The following KCNIP4 variants were observed in gnomAD, a reference collection of about 807,000 sequenced individuals.
KCNIP4 encodes potassium voltage-gated channel interacting protein 4.
Under a neutral mutation model 34.0 loss-of-function variants are expected in KCNIP4, and 12 were observed. The ratio of observed to expected loss-of-function variants is 0.35; its 90% CI spans 0.23 to 0.57. The LOEUF is 0.57. KCNIP4 is among the 20% of genes least tolerant of loss of function. The pLI is 0.83. For synonymous variants in KCNIP4, 124 were observed against 102.2 expected (o/e 1.21, Z -1.29); for missense variants, 238 against 311.7 (o/e 0.76, Z 1.78).
chr4:21,501,221 CTT>C (rs1200898294), intron 1 of KCNIP4, among the ~76,000 whole-genome samples: 12 of 125,844 alleles, frequency 9.5e-5, no homozygotes, highest in African/African-American at 3.2e-4. Flanking sequence ...TATCAACTGC[CTT>C]TCTCTCTCTC....
chr4:21,862,651 C>CT (rs1725141751), intron 1 of KCNIP4, among the ~76,000 whole-genome samples: 1 of 152,062 alleles, frequency 6.6e-6, no homozygotes, highest in Admixed American at 6.6e-5. Context: ...GGTAGGTGTT[C>CT]AATAAATATT....
chr4:21,896,872 T>C (rs547076842), intron 1 of KCNIP4, among the ~76,000 whole-genome samples: 35 of 151,898 alleles, frequency 2.3e-4, no homozygotes, highest in African/African-American at 6.5e-4. Context: ...CGAGCCAAGA[T>C]TGTGACACTG....
At chr4:21,360,004 G>A (rs1719049997) in intron 1 of KCNIP4, among the ~76,000 whole-genome samples, 1 of 152,130 alleles carries the variant, frequency 6.6e-6, no homozygotes, top group African/African-American at 2.4e-5. Context: ...TTTGCAAATA[G>A]TTGACATTAG....
intron 1 of KCNIP4, among the ~76,000 whole-genome samples, chr4:21,417,064 T>C (rs1001738298): frequency 2.0e-5 from 3 of 152,188 alleles, no homozygotes; most frequent in African/African-American, 4.8e-5. Context: ...CAGCCTCCAC[T>C]CTTGGAAAAT....
intron 1 of KCNIP4, among the ~76,000 whole-genome samples, chr4:21,193,565 T>C (rs574374703): frequency 7.9e-6 from 1 of 126,532 alleles, no homozygotes; most frequent in Non-Finnish European, 1.6e-5. Context: ...CTTATTGCAA[T>C]TTTAAATTTT....
rs111815003 is a variant in KCNIP4 at position 21,893,098 on chromosome 4, C to T, written c.61+55473G>A. ...ATGCATTTAGATAACAAATATCTGA[C>T]GAGTAAGCAAGAGCCTTAATGAGCA... On this transcript the variant is annotated intron_variant, in intron 1 of 8. Coordinates refer to ENST00000382152, the MANE Select transcript of KCNIP4 (RefSeq NM_025221.6). 2.1e-3 allele frequency among the ~76,000 whole-genome samples: 324 copies of T among 152,212 alleles called. 3 individuals carry two copies. The highest frequency in any genetic ancestry group is 7.2e-3 in the African/African-American group (301 of 41,528).
intron 1 of KCNIP4, among the ~76,000 whole-genome samples, chr4:21,308,408 T>C (rs1437909324): frequency 6.6e-6 from 1 of 152,142 alleles, no homozygotes; most frequent in African/African-American, 2.4e-5. Flanking sequence ...ATACCCCTCT[T>C]TGAGGAAGAG....
chr4:21,286,448 G>C (rs1316988683), intron 1 of KCNIP4, among the ~76,000 whole-genome samples: 2 of 152,148 alleles, frequency 1.3e-5, no homozygotes, highest in Non-Finnish European at 2.9e-5. Flanking sequence ...TATGGCTTTG[G>C]GGTAAAGGCA....
intron 1 of KCNIP4, among the ~76,000 whole-genome samples, chr4:21,001,794 C>G (rs1352042892): frequency 6.6e-6 from 1 of 152,178 alleles, no homozygotes; most frequent in Non-Finnish European, 1.5e-5. Flanking sequence ...TTTTTGCACA[C>G]AATTTATTGG....
intron 1 of KCNIP4, among the ~76,000 whole-genome samples, chr4:21,721,623 A>G (rs1714827896): frequency 6.6e-6 from 1 of 152,198 alleles, no homozygotes; most frequent in African/African-American, 2.4e-5. Context: ...GAAGTTCTTG[A>G]TCAACTAACT....
At chr4:21,618,663 C>T (rs1409991295) in intron 1 of KCNIP4, among the ~76,000 whole-genome samples, 2 of 123,438 alleles carry the variant, frequency 1.6e-5, no homozygotes, top group Non-Finnish European at 3.2e-5. Context: ...GAGAGAGTCT[C>T]GCTCAGTCGC....
intron 1 of KCNIP4, among the ~76,000 whole-genome samples, chr4:21,369,190 G>T (rs190446905): frequency 6.8e-6 from 1 of 147,142 alleles, no homozygotes; most frequent in African/African-American, 2.7e-5. Context: ...TGAGAATTAC[G>T]TTTATAGACT....
intron 1 of KCNIP4, among the ~76,000 whole-genome samples, chr4:21,152,963 T>C (rs1250111195): frequency 1.3e-5 from 2 of 152,130 alleles, no homozygotes; most frequent in East Asian, 1.9e-4. Context: ...GCCAAAAGGG[T>C]TGGGGACCAC....
intron 2 of KCNIP4, among the ~76,000 whole-genome samples, chr4:20,854,487 C>A (rs182245075): frequency 6.6e-6 from 1 of 151,988 alleles, no homozygotes. Flanking sequence ...TGGGGACTTG[C>A]GGGGAAGAGT....
chr4:21,463,950 T>C (rs1471159907), intron 1 of KCNIP4, among the ~76,000 whole-genome samples: 2 of 152,068 alleles, frequency 1.3e-5, no homozygotes, highest in African/African-American at 4.8e-5. Context: ...TTTCTGGTTG[T>C]CTTTCTAGAA....
intron 1 of KCNIP4, chr4:21,849,343 C>T (rs187724788): frequency 3.9e-5 from 6 of 152,196 alleles, no homozygotes; most frequent in Non-Finnish European, 8.8e-5. Flanking sequence ...TGTGTTAGCA[C>T]GTAATTCCTG....
chr4:20,745,528 A>G (rs891261851), intron 5 of KCNIP4, among the ~76,000 whole-genome samples: 7 of 152,192 alleles, frequency 4.6e-5, no homozygotes. Flanking sequence ...GACAAACTTA[A>G]CAACAACTCT....
chr4:21,056,544 C>A (rs574263235), intron 1 of KCNIP4, among the ~76,000 whole-genome samples: 3 of 152,258 alleles, frequency 2.0e-5, no homozygotes, highest in South Asian at 4.1e-4. Context: ...ATTATTCATT[C>A]ATGCATTCAT....
chr4:21,773,732 G>GTTTTTTTTTT (rs1337547042), intron 1 of KCNIP4, among the ~76,000 whole-genome samples: 2 of 71,318 alleles, frequency 2.8e-5, no homozygotes, highest in African/African-American at 1.4e-4. Context: ...TGCAACCCCT[G>GTTTTTTTTTT]TTTTTTTTTG....
Sources: gnomAD v4.1 joint callset for allele counts (sites outside exome capture counted in the v4.1 genomes callset) on GRCh38, gnomAD v4.1.1 for gene constraint, MANE v1.5 for transcripts, NCBI Gene and HGNC (gene_info 2026-07-23, HGNC 2026-07-21) for gene names.